HTR1F: variants seen among roughly 807,000 people sequenced by gnomAD.
HTR1F encodes the protein 5-hydroxytryptamine (serotonin) receptor 1F, G protein-coupled.
HTR1F carries 17 observed loss-of-function variants against 24.0 expected under a neutral mutation model. That is an observed-to-expected ratio of 0.71 (90% CI 0.48 to 1.06). The LOEUF (loss-of-function observed/expected upper bound fraction) is 1.06. Among genes scored for constraint, HTR1F ranks in the 50% least tolerant of loss-of-function variants. The probability of loss-of-function intolerance (pLI) is 0.00; values close to 1 mark genes in which losing one functional copy is unlikely to be tolerated. For missense variants in HTR1F, 391 were observed against 427.8 expected (o/e 0.91, Z 0.76); for synonymous variants, 186 against 156.8 (o/e 1.19, Z -1.39).
intron 2 of HTR1F, among the ~76,000 whole-genome samples, chr3:87,863,561 T>G (rs1262167487): frequency 6.6e-6 from 1 of 152,198 alleles, no homozygotes; most frequent in Non-Finnish European, 1.5e-5. Context: ...TTTATTTTTT[T>G]CCAGTTTCCA....
intron 2 of HTR1F, among the ~76,000 whole-genome samples, chr3:87,835,077 C>G (rs1440472655): frequency 6.6e-6 from 1 of 152,106 alleles, no homozygotes; most frequent in Non-Finnish European, 1.5e-5. Flanking sequence ...AAATTCAATG[C>G]CATTTTCTCC....
chr3:87,860,955 G>A (rs766801594), intron 2 of HTR1F, among the ~76,000 whole-genome samples: 6 of 152,116 alleles, frequency 3.9e-5, no homozygotes, highest in African/African-American at 7.2e-5. Flanking sequence ...CCATGAGTCC[G>A]AGACTAGCCT....
chr3:87,959,767 GTTTT>G (rs5850818), intron 2 of HTR1F, among the ~76,000 whole-genome samples: 2,387 of 140,740 alleles, frequency 0.017, 64 homozygotes, highest in African/African-American at 0.058. Flanking sequence ...ACCACCATGG[GTTTT>G]TTTTTTTTTT....
chr3:87,939,870 C>G (rs879105146), intron 2 of HTR1F, among the ~76,000 whole-genome samples: 1 of 151,990 alleles, frequency 6.6e-6, no homozygotes, highest in Non-Finnish European at 1.5e-5. Flanking sequence ...TCCTTCAGTT[C>G]TTCTCTGATC....
intron 2 of HTR1F, among the ~76,000 whole-genome samples, chr3:87,864,868 C>A (rs1253102536): frequency 1.3e-5 from 2 of 148,290 alleles, no homozygotes; most frequent in Admixed American, 6.8e-5. Flanking sequence ...TGCATTCCAG[C>A]CTGGGTGAGC....
chr3:87,853,301 A>G (rs990775339), intron 2 of HTR1F, among the ~76,000 whole-genome samples: 2 of 152,010 alleles, frequency 1.3e-5, no homozygotes, highest in African/African-American at 2.4e-5. Flanking sequence ...GCTCCCACTT[A>G]TAAGTGAGAA....
intron 2 of HTR1F, among the ~76,000 whole-genome samples, chr3:87,902,499 C>A (rs1449184891): frequency 6.6e-6 from 1 of 151,768 alleles, no homozygotes; most frequent in African/African-American, 2.4e-5. Context: ...TTGGGGTAGG[C>A]CAAAGTTTTT....
At chr3:87,832,913 C>G (rs997717728) in intron 2 of HTR1F, among the ~76,000 whole-genome samples, 3 of 152,140 alleles carry the variant, frequency 2.0e-5, no homozygotes, top group African/African-American at 7.2e-5. Context: ...AAGTTTTGTT[C>G]CGTCTGTTGT....
chr3:87,991,651 C>T lies in HTR1F; in HGVS notation c.902C>T (p.Ala301Val). Reference protein sequence around the residue: ...AATTLGLILGAFVICWLPFFV... With the variant: ...AATTLGLILGVFVICWLPFFV... The stretch of plus-strand genomic sequence containing the variant: ...ACTACCCTGGGATTAATCTTGGGTG[C>T]ATTTGTAATATGTTGGCTTCCTTTT... Residue 301 changes from alanine (A) to valine (V), a missense_variant, in exon 3 of 3, where the codon GCA (alanine) becomes GTA (valine). By Grantham distance (64) the Ala-to-Val change is moderately conservative. Coordinates refer to ENST00000319595, the MANE Select transcript of HTR1F (RefSeq NM_001322209.2). 6.2e-7 allele frequency: 1 copy of T among 1,612,990 alleles called. No homozygotes were observed. Among genetic ancestry groups the T allele is most frequent in the Non-Finnish European group, 8.5e-7 (1 of 1,179,254 alleles).
At chr3:87,872,393 T>C (rs78888487) in intron 2 of HTR1F, among the ~76,000 whole-genome samples, 13 of 151,778 alleles carry the variant, frequency 8.6e-5, no homozygotes, top group Non-Finnish European at 1.0e-4. Flanking sequence ...CAAACTAAAC[T>C]CACAGTTAAC....
intron 2 of HTR1F, among the ~76,000 whole-genome samples, chr3:87,959,568 A>G (rs1705016884): frequency 6.6e-6 from 1 of 151,998 alleles, no homozygotes; most frequent in African/African-American, 2.4e-5. Context: ...TTACATCAAG[A>G]AAGTGGTACT....
At position 87,990,841 on chromosome 3, in the gene HTR1F, C is replaced by T. The variant is rs141238218; in HGVS notation, c.92C>T (p.Ser31Phe). 1 of 1,614,050 alleles carries T rather than the reference C, an allele frequency of 6.2e-7. No individual in the cohort carries two copies. Among genetic ancestry groups the T allele is most frequent in the Admixed American group, 1.7e-5 (1 of 60,006 alleles). Residue 31 changes from serine to phenylalanine, a missense_variant, in exon 3 of 3, where the codon TCT becomes TTT. Coordinates refer to ENST00000319595, the MANE Select transcript of HTR1F (RefSeq NM_001322209.2). Reference protein sequence around the residue: ...PSKILVSLTLSGLALMTTTIN... With the variant: ...PSKILVSLTLFGLALMTTTIN... ...AAAATTCTGGTGTCCCTCACTCTGTCTGGGCTGGCACTGATGACAACAACT... is the reference window on the plus strand; with the variant it reads ...AAAATTCTGGTGTCCCTCACTCTGTTTGGGCTGGCACTGATGACAACAACT...
chr3:87,918,871 A>T (rs2107370507), intron 2 of HTR1F, among the ~76,000 whole-genome samples: 1 of 152,196 alleles, frequency 6.6e-6, no homozygotes, highest in East Asian at 1.9e-4. Flanking sequence ...TTAGAAAAAA[A>T]CAATTCTAAA....
rs114123428 is a variant in HTR1F, at chr3:87,847,173, T to G, written c.-43+25049T>G. 9.8e-3 allele frequency among the ~76,000 whole-genome samples: 1,483 copies of G among 151,938 alleles called. 53 individuals are homozygous for G. Among genetic ancestry groups the G allele is most frequent in the African/African-American group, 0.033 (1,370 of 41,300 alleles). On this transcript the variant is annotated intron_variant, in intron 2 of 2. Transcript: ENST00000319595. ...TGCAAATTAAAAGATTGATGAACTA[T>G]TTTTTAAATTTAGCCTTCCAAATTA...
intron 2 of HTR1F, among the ~76,000 whole-genome samples, chr3:87,847,804 C>T (rs1440320409): frequency 1.3e-5 from 2 of 151,848 alleles, no homozygotes; most frequent in African/African-American, 4.9e-5. Flanking sequence ...ATTTGTCTTT[C>T]CGTGCTTAGG....
In HTR1F at chr3:87,792,862, C is replaced by T. The variant is rs1703838036; in HGVS notation, c.-160+20C>T. Among the ~76,000 whole-genome samples, 1 of 152,206 alleles carries T rather than the reference C, an allele frequency of 6.6e-6. No homozygotes were observed. The highest frequency in any genetic ancestry group is 2.4e-5 in the African/African-American group (1 of 41,464). On this transcript the variant is annotated intron_variant, in intron 1 of 2. Transcript: ENST00000319595. ...CCAGGGGTGAGTGTGCGGATCAGCG[C>T]TGAGCCCGGGAGTGCGGGTCACGCC...
At chr3:87,968,397 G>T (rs1189109426) in intron 2 of HTR1F, among the ~76,000 whole-genome samples, 1 of 152,034 alleles carries the variant, frequency 6.6e-6, no homozygotes, top group Non-Finnish European at 1.5e-5. Context: ...ATTTTTAGTA[G>T]AGACAGGGTT....
intron 2 of HTR1F, among the ~76,000 whole-genome samples, chr3:87,977,532 G>A (rs1047300856): frequency 6.6e-6 from 1 of 150,648 alleles, no homozygotes; most frequent in Non-Finnish European, 1.5e-5. Context: ...CTGAGTAGCT[G>A]GGACTACAGG....
intron 2 of HTR1F, among the ~76,000 whole-genome samples, chr3:87,982,160 T>A (rs188085127): frequency 6.6e-6 from 1 of 152,286 alleles, no homozygotes; most frequent in East Asian, 1.9e-4. Context: ...TGACCTCAAG[T>A]GATCCACCCA....
Sources: gnomAD v4.1 joint callset for allele counts (sites outside exome capture counted in the v4.1 genomes callset) on GRCh38, gnomAD v4.1.1 for gene constraint, MANE v1.5 for transcripts, NCBI Gene and HGNC (gene_info 2026-07-23, HGNC 2026-07-21) for gene names.